Variants in B3GAT2 observed in about 807,000 individuals in gnomAD.
The protein encoded by B3GAT2 is beta-1,3-glucuronyltransferase 2.
B3GAT2 carries 26 observed loss-of-function variants against 27.8 expected under a neutral mutation model. That is an observed-to-expected ratio of 0.93 (90% CI 0.68 to 1.30). The LOEUF (loss-of-function observed/expected upper bound fraction) is 1.30. B3GAT2 is among the 50% of genes most tolerant of loss of function. B3GAT2 has a pLI of 0.00. For synonymous variants in B3GAT2, 218 were observed against 195.1 expected (o/e 1.12, Z -0.98); for missense variants, 458 against 459.0 (o/e 1.00, Z 0.02).
In B3GAT2 at chr6:70,945,582, A is replaced by C. The variant is rs75768471; in HGVS notation, c.591+10257T>G. Among the ~76,000 whole-genome samples the C allele has an allele frequency of 3.9e-4, 59 of 151,448 alleles. No homozygotes were observed. In the East Asian group the frequency reaches 0.011, roughly 29 times the overall value. On this transcript the variant is annotated intron_variant, in intron 1 of 3. Coordinates refer to ENST00000230053, the MANE Select transcript of B3GAT2 (RefSeq NM_080742.3). Reference sequence around the variant, plus strand: ...GAAATATGGGACTATGTGAAAAGACAAAATCTACGTCTGATTGTGTACCTG... The same window carrying C: ...GAAATATGGGACTATGTGAAAAGACCAAATCTACGTCTGATTGTGTACCTG...
chr6:70,930,347 C>G (rs1773040050), intron 1 of B3GAT2, among the ~76,000 whole-genome samples: 1 of 152,168 alleles, frequency 6.6e-6, no homozygotes, highest in Non-Finnish European at 1.5e-5. Flanking sequence ...CAAATGGCAT[C>G]TAATTAAACT....
intron 2 of B3GAT2, among the ~76,000 whole-genome samples, chr6:70,892,583 T>C (rs1311244735): frequency 6.6e-6 from 1 of 152,196 alleles, no homozygotes; most frequent in African/African-American, 2.4e-5. Context: ...AGCCCAAGCT[T>C]GGGCTCTTAC....
intron 2 of B3GAT2, among the ~76,000 whole-genome samples, chr6:70,890,677 G>T (rs765219212): frequency 1.5e-4 from 23 of 152,328 alleles, no homozygotes; most frequent in Non-Finnish European, 2.5e-4. Context: ...TCTCCAGCGC[G>T]TGGGGGGCAT....
intron 1 of B3GAT2, among the ~76,000 whole-genome samples, chr6:70,953,616 G>T (rs534630527): frequency 1.3e-5 from 2 of 152,262 alleles, no homozygotes; most frequent in African/African-American, 4.8e-5. Flanking sequence ...AGTATGTCAT[G>T]CCTATTATGC....
chr6:70,876,774 G>A (rs770090246), intron 2 of B3GAT2, among the ~76,000 whole-genome samples: 1 of 152,130 alleles, frequency 6.6e-6, no homozygotes, highest in Non-Finnish European at 1.5e-5. Flanking sequence ...ACTGAATGTG[G>A]TCTCTGCCCT....
chr6:70,944,522 G>A (rs1416929251), intron 1 of B3GAT2, among the ~76,000 whole-genome samples: 1 of 152,220 alleles, frequency 6.6e-6, no homozygotes, highest in Non-Finnish European at 1.5e-5. Flanking sequence ...TGGGGGAGGG[G>A]TGCCCGCAAT....
chr6:70,943,168 T>C (rs1014952109), intron 1 of B3GAT2, among the ~76,000 whole-genome samples: 1 of 152,218 alleles, frequency 6.6e-6, no homozygotes, highest in Admixed American at 6.5e-5. Context: ...TTCTTGTTTT[T>C]TTTAACCTGC....
rs1772770292 is a variant in B3GAT2 at position 70,916,197 on chromosome 6, T to G, written c.592-21925A>C. 2.6e-5 allele frequency among the ~76,000 whole-genome samples: 4 copies of G among 152,302 alleles called. No homozygotes were observed. The Middle Eastern group carries it at 0.01, about 389-fold the overall frequency. On this transcript the variant is annotated intron_variant, in intron 1 of 3. Coordinates refer to ENST00000230053, the MANE Select transcript of B3GAT2 (RefSeq NM_080742.3). ...GGAGTTCACTCATGATTTGGCTCTCTGTTTGTCTGTTCTTGGTGGATAGGA... is the reference window on the plus strand; with the variant it reads ...GGAGTTCACTCATGATTTGGCTCTCGGTTTGTCTGTTCTTGGTGGATAGGA...
chr6:70,861,347 T>G lies in B3GAT2; in HGVS notation c.*316A>C. On this transcript the variant is annotated 3_prime_UTR_variant, in exon 4 of 4. Coordinates refer to ENST00000230053, the MANE Select transcript of B3GAT2 (RefSeq NM_080742.3). ...AAGTCTACCAATTATAAGGGCAAAT[T>G]GGAGAAAAAGAAAAAATATATACTC... 4.2e-6 allele frequency: 1 copy of G among 239,954 alleles called. No individual in the cohort carries two copies. The highest frequency in any genetic ancestry group is 8.2e-6 in the Non-Finnish European group (1 of 122,270). The allele number at this position is 239,954 out of a possible 1,614,324, so 14.9% of individuals were successfully genotyped here.
intron 2 of B3GAT2, among the ~76,000 whole-genome samples, chr6:70,863,692 G>A (rs768071230): frequency 7.9e-5 from 12 of 152,100 alleles, no homozygotes; most frequent in Non-Finnish European, 1.5e-4. Flanking sequence ...ATTGAGGTAT[G>A]GAAAGACTCC....
At chr6:70,947,953 C>T (rs1765519334) in intron 1 of B3GAT2, among the ~76,000 whole-genome samples, 2 of 151,712 alleles carry the variant, frequency 1.3e-5, no homozygotes, top group South Asian at 2.1e-4. Context: ...TGTAATCCAG[C>T]ATATAAACAG....
intron 1 of B3GAT2, among the ~76,000 whole-genome samples, chr6:70,917,818 T>C (rs1441606898): frequency 1.3e-5 from 2 of 152,164 alleles, no homozygotes; most frequent in Non-Finnish European, 2.9e-5. Flanking sequence ...TGCTTCCAAT[T>C]ATGTGGTCAA....
At chr6:70,872,817 T>C (rs1001195089) in intron 2 of B3GAT2, among the ~76,000 whole-genome samples, 1 of 152,024 alleles carries the variant, frequency 6.6e-6, no homozygotes, top group East Asian at 1.9e-4. Context: ...TAGTGTATGA[T>C]TTTAATTCTC....
intron 1 of B3GAT2, 127 bp from the exon 2 acceptor site, chr6:70,894,399 A>G: frequency 9.6e-7 from 1 of 1,036,548 alleles, no homozygotes; most frequent in Non-Finnish European, 1.3e-6. Context: ...AGGTTTCAAA[A>G]CAGAATCCTT....
At chr6:70,929,967 T>C (rs1489850341) in intron 1 of B3GAT2, among the ~76,000 whole-genome samples, 1 of 152,024 alleles carries the variant, frequency 6.6e-6, no homozygotes, top group Non-Finnish European at 1.5e-5. Context: ...AGTAACCAAA[T>C]AGCATGGTAC....
At chr6:70,940,292 G>A (rs1765369107) in intron 1 of B3GAT2, among the ~76,000 whole-genome samples, 2 of 152,054 alleles carry the variant, frequency 1.3e-5, no homozygotes, top group South Asian at 2.1e-4. Flanking sequence ...AGCTTATGGG[G>A]CTTCCCAAAA....
At chr6:70,882,305 T>C (rs567955516) in intron 2 of B3GAT2, among the ~76,000 whole-genome samples, 1 of 152,000 alleles carries the variant, frequency 6.6e-6, no homozygotes, top group Non-Finnish European at 1.5e-5. Context: ...ATCCAGACCA[T>C]ACTGGCTAAC....
At chr6:70,915,087 T>A (rs928309872) in intron 1 of B3GAT2, among the ~76,000 whole-genome samples, 3 of 152,238 alleles carry the variant, frequency 2.0e-5, no homozygotes, top group African/African-American at 7.2e-5. Context: ...GGCTTTTTAA[T>A]GATCGCCATT....
chr6:70,856,938 C>T lies in B3GAT2; in HGVS notation c.*4725G>A. On this transcript the variant is annotated 3_prime_UTR_variant, in exon 4 of 4. Transcript: ENST00000230053. ...CTAGATTTATTCACTGAGCAAACTA[C>T]AAAATCAGAAGAAGTGGCAAAGAAA... 6.2e-7 allele frequency: 1 copy of T among 1,613,952 alleles called. No homozygotes were observed. The highest frequency in any genetic ancestry group is 1.7e-5 in the Admixed American group (1 of 60,012).
Sources: allele counts gnomAD v4.1 joint callset (sites outside exome capture counted in the v4.1 genomes callset), GRCh38; gene constraint gnomAD v4.1.1; transcripts MANE v1.5; gene names NCBI Gene and HGNC (gene_info 2026-07-23, HGNC 2026-07-21).